Variants in XKR9 observed in about 807,000 individuals in gnomAD.
The protein encoded by XKR9 is XK-related protein 9.
In XKR9, 32 loss-of-function variants were observed where a neutral mutation model predicts 32.0. The ratio of observed to expected loss-of-function variants is 1.00; its 90% CI spans 0.76 to 1.34. The LOEUF (loss-of-function observed/expected upper bound fraction) is 1.34, where lower values mean the gene tolerates loss of function less well. XKR9 is among the 40% of genes most tolerant of loss of function. The probability of loss-of-function intolerance (pLI) is 0.00; values close to 1 mark genes in which losing one functional copy is unlikely to be tolerated. For missense variants in XKR9, 546 were observed against 429.7 expected, an observed-to-expected ratio of 1.27 and a Z score of -2.39; for synonymous variants, 168 against 143.4, an observed-to-expected ratio of 1.17 and a Z score of -1.22.
chr8:70,835,691 C>G, the XKR9 span, among the ~76,000 whole-genome samples: 2 of 151,970 alleles, frequency 1.3e-5, no homozygotes, highest in African/African-American at 4.8e-5. Context: ...TAAGTATAGT[C>G]TAAATGTAAG....
chr8:70,952,106 G>A, the XKR9 span, among the ~76,000 whole-genome samples: 6 of 142,442 alleles, frequency 4.2e-5, no homozygotes, highest in Non-Finnish European at 4.6e-5. Context: ...ATTATAAAAT[G>A]AAAAAAAAAG....
At chr8:70,921,802 T>C in the XKR9 span, among the ~76,000 whole-genome samples, 12 of 152,328 alleles carry the variant, frequency 7.9e-5, no homozygotes, top group South Asian at 2.5e-3. Context: ...CAATACCCAC[T>C]TTCAAAATAA....
the XKR9 span, among the ~76,000 whole-genome samples, chr8:70,884,966 G>A: frequency 4.4e-4 from 67 of 152,272 alleles, no homozygotes; most frequent in Non-Finnish European, 7.4e-4. Context: ...ATTAAATTGG[G>A]AAGAATTGAC....
intron 2 of XKR9, among the ~76,000 whole-genome samples, chr8:70,747,328 T>G (rs1265307786): frequency 2.0e-5 from 3 of 152,244 alleles, no homozygotes; most frequent in Non-Finnish European, 4.4e-5. Context: ...TTGAGAAATC[T>G]CCAAACTGCT....
chr8:70,955,403 A>G, the XKR9 span, among the ~76,000 whole-genome samples: 1 of 152,334 alleles, frequency 6.6e-6, no homozygotes, highest in Admixed American at 6.5e-5. Context: ...GATTTTTAAA[A>G]GGATGTTATA....
the XKR9 span, among the ~76,000 whole-genome samples, chr8:70,968,630 T>A: frequency 6.6e-6 from 1 of 152,196 alleles, no homozygotes; most frequent in East Asian, 1.9e-4. Flanking sequence ...TTGTGGGGCC[T>A]TTTTTGTTGA....
chr8:71,014,475 C>A, the XKR9 span, among the ~76,000 whole-genome samples: 1 of 152,140 alleles, frequency 6.6e-6, no homozygotes, highest in Non-Finnish European at 1.5e-5. Flanking sequence ...CTGCATGAAT[C>A]TAATTTTTGG....
intron 3 of XKR9, chr8:70,683,654 A>G: frequency 2.6e-6 from 1 of 383,990 alleles, no homozygotes; most frequent in Non-Finnish European, 5.2e-6. Context: ...CACTTGGTTA[A>G]TTTTTGTATT....
the XKR9 span, among the ~76,000 whole-genome samples, chr8:70,837,893 T>C: frequency 2.6e-5 from 4 of 152,148 alleles, no homozygotes; most frequent in African/African-American, 9.7e-5. Context: ...AATATTGATG[T>C]TGAATGAAAT....
At chr8:70,887,117 G>A in the XKR9 span, among the ~76,000 whole-genome samples, 1 of 152,082 alleles carries the variant, frequency 6.6e-6, no homozygotes, top group African/African-American at 2.4e-5. Context: ...TAAGGAAGGG[G>A]TCCAGTTCCA....
chr8:71,027,014 T>G, the XKR9 span, among the ~76,000 whole-genome samples: 1 of 152,098 alleles, frequency 6.6e-6, no homozygotes, highest in African/African-American at 2.4e-5. Flanking sequence ...AATGGAAGAG[T>G]AGTTTATTAG....
At chr8:70,755,554 A>G (rs1807209694) in intron 2 of XKR9, among the ~76,000 whole-genome samples, 1 of 152,154 alleles carries the variant, frequency 6.6e-6, no homozygotes, top group Non-Finnish European at 1.5e-5. Flanking sequence ...TGTGACACAT[A>G]TACACCATGG....
At chr8:70,975,798 T>A in the XKR9 span, among the ~76,000 whole-genome samples, 1 of 152,188 alleles carries the variant, frequency 6.6e-6, no homozygotes, top group Non-Finnish European at 1.5e-5. Flanking sequence ...GGTAGCTTGA[T>A]GGGGATGGCA....
the XKR9 span, among the ~76,000 whole-genome samples, chr8:70,855,025 G>A: frequency 2.4e-4 from 36 of 152,174 alleles, no homozygotes; most frequent in African/African-American, 8.7e-4. Context: ...GGTTCCATAT[G>A]AACTTTAAAG....
chr8:70,742,129 A>G (rs6995996), intron 2 of XKR9, among the ~76,000 whole-genome samples: 9,573 of 152,258 alleles, frequency 0.063, 425 homozygotes, highest in Non-Finnish European at 0.089. Flanking sequence ...TATTTAATTA[A>G]GGGTTAACAT....
chr8:70,738,774 G>T (rs1276452312), downstream of XKR9, among the ~76,000 whole-genome samples: 1 of 152,176 alleles, frequency 6.6e-6, no homozygotes, highest in Non-Finnish European at 1.5e-5. Context: ...GTGTAGTTGA[G>T]TGGTTTTGAG....
intron 3 of XKR9, among the ~76,000 whole-genome samples, chr8:70,706,570 T>C (rs146484199): frequency 1.2e-4 from 18 of 152,274 alleles, no homozygotes; most frequent in Non-Finnish European, 2.1e-4. Context: ...ACCCTGTGTC[T>C]ACCCCTTACT....
At chr8:70,845,736 C>T in the XKR9 span, among the ~76,000 whole-genome samples, 3 of 151,940 alleles carry the variant, frequency 2.0e-5, no homozygotes, top group East Asian at 3.9e-4. Context: ...TTGAAATAAC[C>T]TAGTCAAACA....
chr8:70,801,819 A>G, the XKR9 span, among the ~76,000 whole-genome samples: 1 of 152,166 alleles, frequency 6.6e-6, no homozygotes, highest in Non-Finnish European at 1.5e-5. Context: ...GTCTCTAAGA[A>G]CATGCTTTAT....
Sources: allele counts gnomAD v4.1 joint callset (sites outside exome capture counted in the v4.1 genomes callset), GRCh38; gene constraint gnomAD v4.1.1; transcripts MANE v1.5; gene names NCBI Gene and HGNC (gene_info 2026-07-23, HGNC 2026-07-21).